UBAP2: variants seen among roughly 807,000 people sequenced by gnomAD.
The protein encoded by UBAP2 is ubiquitin-associated protein 2.
UBAP2 carries 75 observed loss-of-function variants against 139.6 expected under a neutral mutation model. The ratio of observed to expected loss-of-function variants is 0.54; its 90% confidence interval spans 0.45 to 0.65. UBAP2 has a LOEUF of 0.65. UBAP2 is among the 30% of genes least tolerant of loss of function. The pLI, the probability that UBAP2 is intolerant of heterozygous loss-of-function variation, is 0.00. For synonymous variants in UBAP2, 526 were observed against 526.2 expected (o/e 1.00, Z 0.01); for missense variants, 1,368 against 1,369.6 (o/e 1.00, Z 0.02).
intron 12 of UBAP2, among the ~76,000 whole-genome samples, chr9:33,950,191 G>A (rs897580898): frequency 2.0e-5 from 3 of 151,730 alleles, no homozygotes; most frequent in African/African-American, 2.4e-5. Flanking sequence ...TCAGCCTCCC[G>A]AGTAGCTGGG....
intron 2 of UBAP2, among the ~76,000 whole-genome samples, chr9:34,016,252 G>GAAA (rs1321981448): frequency 2.9e-4 from 6 of 20,564 alleles, no homozygotes; most frequent in African/African-American, 5.9e-4. Context: ...GGAAGAGGAG[G>GAAA]AGGAGGAAGA....
rs1828045128 is a variant in UBAP2, at chr9:33,973,247, A to AC, written c.521-11_521-10insG. 6 of 1,613,584 alleles carry AC rather than the reference A, an allele frequency of 3.7e-6. No individual in the cohort carries two copies. In the Admixed American group the frequency reaches 5.0e-5, roughly 13 times the overall value. ...CTGCCACGTCCAAATCCTTTAAAAA[A>AC]ACACACAATTATAGTATAAAATAAT... On this transcript the variant is annotated splice_polypyrimidine_tract_variant and intron_variant, in intron 6 of 28. Transcript: ENST00000379238.
intron 2 of UBAP2, among the ~76,000 whole-genome samples, chr9:34,001,094 TA>T (rs1257122878): frequency 1.3e-5 from 2 of 152,126 alleles, no homozygotes; most frequent in African/African-American, 4.8e-5. Context: ...CTAGATGAAG[TA>T]AAAGGGAAAA....
At chr9:33,925,208 C>G (rs1386865255) in intron 22 of UBAP2, among the ~76,000 whole-genome samples, 1 of 152,168 alleles carries the variant, frequency 6.6e-6, no homozygotes, top group African/African-American at 2.4e-5. Context: ...AAGGAGCCAT[C>G]CTGGCTGGGA....
chr9:34,046,817 CTCACACCA>C (rs1229272702), intron 1 of UBAP2, among the ~76,000 whole-genome samples: 1 of 152,158 alleles, frequency 6.6e-6, no homozygotes, highest in Non-Finnish European at 1.5e-5. Flanking sequence ...TCTACATGTT[CTCACACCA>C]TCACACCATT....
Position 33,922,823 on chromosome 9 carries a change from G to A in UBAP2, c.3128C>T (p.Ser1043Leu), listed in dbSNP as rs749444181. The A allele has an allele frequency of 5.2e-5, 82 of 1,574,236 alleles. No homozygotes were observed. Among genetic ancestry groups the A allele is most frequent in the East Asian group, 4.7e-4 (21 of 44,518 alleles). Residue 1043 changes from serine (S) to leucine (L), a missense_variant, in exon 28 of 29, where the codon TCG (serine) becomes TTG (leucine). Transcript: ENST00000379238. ...AGTPPPFSLP[S>L]VLGSTGPLAS... The stretch of plus-strand genomic sequence containing the variant: ...CAGGGGCCCAGTGGAGCCCAAGACC[G>A]AGGGCAGGCTGAAAGGTGGAGGCGT...
chr9:34,011,450 T>C (rs1263983139), intron 2 of UBAP2, among the ~76,000 whole-genome samples: 1 of 152,142 alleles, frequency 6.6e-6, no homozygotes, highest in Non-Finnish European at 1.5e-5. Flanking sequence ...ACAATAACAA[T>C]ATAGTAACAC....
At chr9:33,994,868 AT>A (rs1403505640) in intron 4 of UBAP2, 1 of 152,142 alleles carries the variant, frequency 6.6e-6, no homozygotes, top group African/African-American at 2.4e-5. Context: ...CTCAGAGTTC[AT>A]TTTTGTATTT....
chr9:33,936,425 C>T (rs1460426966), intron 16 of UBAP2, among the ~76,000 whole-genome samples: 5 of 152,138 alleles, frequency 3.3e-5, no homozygotes, highest in South Asian at 2.1e-4. Context: ...TCCCAAGTAG[C>T]TGGGATTACA....
intron 18 of UBAP2, among the ~76,000 whole-genome samples, chr9:33,932,869 C>T (rs1292833637): frequency 6.6e-6 from 1 of 152,202 alleles, no homozygotes; most frequent in African/African-American, 2.4e-5. Context: ...CATCCATTTG[C>T]TCCTCAGATG....
At chr9:33,990,242 A>G (rs1278983689) in intron 4 of UBAP2, among the ~76,000 whole-genome samples, 2 of 152,222 alleles carry the variant, frequency 1.3e-5, no homozygotes, top group Admixed American at 6.5e-5. Flanking sequence ...TCCAAAATTA[A>G]GAGTAACTGT....
chr9:33,967,500 G>A (rs1390539364), intron 8 of UBAP2, among the ~76,000 whole-genome samples: 1 of 152,034 alleles, frequency 6.6e-6, no homozygotes, highest in Admixed American at 6.6e-5. Flanking sequence ...CTAACTGCCA[G>A]GATTTTGTTT....
intron 7 of UBAP2, 79 bp downstream of exon 7, chr9:33,973,104 G>T: frequency 8.1e-7 from 1 of 1,227,388 alleles, no homozygotes; most frequent in Non-Finnish European, 1.2e-6. Context: ...GACTAAATTA[G>T]ATGTAGGGTA....
intron 1 of UBAP2, among the ~76,000 whole-genome samples, chr9:34,046,376 G>A (rs567705539): frequency 1.3e-5 from 2 of 151,916 alleles, no homozygotes; most frequent in Non-Finnish European, 2.9e-5. Flanking sequence ...CATGCCGGGC[G>A]GGGTGGCTCA....
chr9:33,969,873 C>CA (rs1827779071), intron 8 of UBAP2, among the ~76,000 whole-genome samples: 1 of 149,602 alleles, frequency 6.7e-6, no homozygotes, highest in South Asian at 2.1e-4. Context: ...AACACCCCCC[C>CA]ACCCCCAAAA....
chr9:33,998,060 G>A (rs1822344785), intron 3 of UBAP2: 2 of 152,154 alleles, frequency 1.3e-5, no homozygotes, highest in South Asian at 4.1e-4. Flanking sequence ...TGAAGACATT[G>A]CCTTAAAATT....
At chr9:34,038,606 G>A (rs1264712747) in intron 1 of UBAP2, among the ~76,000 whole-genome samples, 1 of 152,306 alleles carries the variant, frequency 6.6e-6, no homozygotes, top group East Asian at 1.9e-4. Context: ...CCAGGCTGGA[G>A]TGCAGTGGCG....
chr9:33,924,681 G>A (rs980826945), intron 22 of UBAP2, among the ~76,000 whole-genome samples: 1 of 152,194 alleles, frequency 6.6e-6, no homozygotes, highest in Non-Finnish European at 1.5e-5. Flanking sequence ...CAACAGAAGT[G>A]CAGGGGCCTG....
intron 22 of UBAP2, among the ~76,000 whole-genome samples, chr9:33,925,282 G>A (rs925815524): frequency 6.6e-6 from 1 of 152,206 alleles, no homozygotes; most frequent in Non-Finnish European, 1.5e-5. Flanking sequence ...CCCCGGAAGA[G>A]GCAGAGCTGG....
Sources: gnomAD v4.1 joint callset for allele counts (sites outside exome capture counted in the v4.1 genomes callset) on GRCh38, gnomAD v4.1.1 for gene constraint, MANE v1.5 for transcripts, NCBI Gene and HGNC (gene_info 2026-07-23, HGNC 2026-07-21) for gene names.